Variants in CD300LB observed in about 807,000 individuals in gnomAD.
CD300LB encodes CD300 molecule like family member b.
A neutral mutation model predicts 20.8 loss-of-function variants in CD300LB; 18 were observed. The ratio of observed to expected loss-of-function variants is 0.87; its 90% CI spans 0.60 to 1.28. CD300LB has a LOEUF of 1.28. CD300LB is among the 50% of genes most tolerant of loss of function. CD300LB has a pLI of 0.00. For missense variants in CD300LB, 222 were observed against 251.8 expected, an observed-to-expected ratio of 0.88 and a Z score of 0.80; for synonymous variants, 91 against 91.3, an observed-to-expected ratio of 1.00 and a Z score of 0.02.
Position 74,521,333 on chromosome 17 carries a change from G to C in CD300LB, c.*1405C>G. 2.0e-6 allele frequency: 2 copies of C among 984,960 alleles called. No homozygotes were observed. The highest frequency in any genetic ancestry group is 3.5e-5 in the African/African-American group (2 of 57,354). The allele number at this position is 984,960 out of a possible 1,614,324, so 61.0% of individuals were successfully genotyped here. ...CCCGCGGAGCGGTGCCGTCCTCCCTGGGTCTGGTCGGATCTTCGGGAAGCT... is the reference window on the plus strand; with the variant it reads ...CCCGCGGAGCGGTGCCGTCCTCCCTCGGTCTGGTCGGATCTTCGGGAAGCT... On this transcript the variant is annotated 3_prime_UTR_variant, in exon 4 of 4. Transcript: ENST00000392621.
rs371016835 is a variant in CD300LB, at chr17:74,525,621, G to GTC, written c.370+125_370+126dup. The GTC allele has an allele frequency of 1.7e-3, 1,232 of 722,716 alleles. 2 individuals are homozygous for GTC. Among genetic ancestry groups the GTC allele is most frequent in the African/African-American group, 0.011 (586 of 55,574 alleles). The allele number at this position is 722,716 out of a possible 1,614,324, so 44.8% of individuals were successfully genotyped here. On this transcript the variant is annotated intron_variant, in intron 2 of 3. Coordinates refer to ENST00000392621, the MANE Select transcript of CD300LB (RefSeq NM_174892.4). Reference sequence around the variant, plus strand: ...AGTTTGTCTGCCTGTCTGTCTGTCTGTCTCTCTCTCTCTCTCTCTTAGGCT... The same window carrying GTC: ...AGTTTGTCTGCCTGTCTGTCTGTCTGTCTCTCTCTCTCTCTCTCTCTTAGGCT...
At chr17:74,523,154 A>C (rs963179546) in intron 3 of CD300LB, 2 of 541,360 alleles carry the variant, frequency 3.7e-6, no homozygotes, top group Admixed American at 6.3e-5. Context: ...AGTACATCTC[A>C]GCTCAACAGA....
intron 1 of CD300LB, among the ~76,000 whole-genome samples, chr17:74,528,995 TG>T (rs1908116448): frequency 2.0e-5 from 3 of 152,062 alleles, no homozygotes; most frequent in Admixed American, 2.0e-4. Flanking sequence ...CCAGGAGTGG[TG>T]GTGCATGCCT....
rs1281715451 is a variant in CD300LB, at chr17:74,523,279, A to ATGTCCCTT, written c.443+299_443+300insAAGGGACA. 13 of 529,956 alleles carry ATGTCCCTT rather than the reference A, an allele frequency of 2.5e-5. No homozygotes were observed. The East Asian group carries it at 4.0e-4, about 16-fold the overall frequency. The allele number at this position is 529,956 out of a possible 1,614,324, so 32.8% of individuals were successfully genotyped here. A position where few individuals can be genotyped will look rare whatever the true frequency, so the allele number is the denominator to read the frequency against. On this transcript the variant is annotated intron_variant, in intron 3 of 3. Coordinates refer to ENST00000392621, the MANE Select transcript of CD300LB (RefSeq NM_174892.4). ...TGTGTCCCTTGATGTCTTGCACCAC[A>ATGTCCCTT]GAGGGTGGTATCTTATCTCCCCCTG...
rs546700329 is a variant in CD300LB at position 74,526,193 on chromosome 17, A to G, written c.41-116T>C. ...ACAGCCTGGAAAACAAAATCCCAAG[A>G]TACAGCTCCTGTTGCCTGAGCCAGT... On this transcript the variant is annotated intron_variant, in intron 1 of 3. Coordinates refer to ENST00000392621, the MANE Select transcript of CD300LB (RefSeq NM_174892.4). The G allele has an allele frequency of 2.7e-4, 389 of 1,420,132 alleles. 1 individual carries two copies. The African/African-American group carries it at 4.9e-3, about 18-fold the overall frequency. The allele number at this position is 1,420,132 out of a possible 1,614,324, so 88.0% of individuals were successfully genotyped here.
At chr17:74,527,503 G>C (rs114247832) in intron 1 of CD300LB, among the ~76,000 whole-genome samples, 2,366 of 152,326 alleles carry the variant, frequency 0.016, 50 homozygotes, top group African/African-American at 0.053. Context: ...ATTCGTGGTT[G>C]GTAGAATAAT....
chr17:74,529,238 T>G (rs925755221), intron 1 of CD300LB, among the ~76,000 whole-genome samples: 4 of 152,148 alleles, frequency 2.6e-5, no homozygotes, highest in Admixed American at 1.3e-4. Context: ...GGTCAGAACT[T>G]CATCTGTGCC....
intron 2 of CD300LB, among the ~76,000 whole-genome samples, chr17:74,524,057 T>C (rs1907961224): frequency 6.6e-6 from 1 of 152,044 alleles, no homozygotes; most frequent in South Asian, 2.1e-4. Flanking sequence ...TGTCCAGAAA[T>C]TGGGGTAGTC....
chr17:74,530,677 G>C (rs112061558), intron 1 of CD300LB, among the ~76,000 whole-genome samples: 1 of 152,102 alleles, frequency 6.6e-6, no homozygotes, highest in Non-Finnish European at 1.5e-5. Flanking sequence ...ACAGCTTCGT[G>C]AGTCTTTCTC....
At position 74,525,958 on chromosome 17, in the gene CD300LB, G is replaced by A. The variant is rs752893026; in HGVS notation, c.160C>T (p.Arg54Cys). Reference protein sequence around the residue: ...TYIKWWCRGVRWDTCKILIET... With the variant: ...TYIKWWCRGVCWDTCKILIET... Reference sequence around the variant, plus strand: ...ATGAGGATCTTGCATGTATCCCAGCGCACCCCTCGGCACCACCACTTAATG... The same window carrying A: ...ATGAGGATCTTGCATGTATCCCAGCACACCCCTCGGCACCACCACTTAATG... Residue 54 changes from arginine to cysteine, a missense_variant, in exon 2 of 4, where the codon CGC becomes TGC. Transcript: ENST00000392621. The A allele has an allele frequency of 3.8e-5, 62 of 1,613,870 alleles. No individual in the cohort carries two copies. Among genetic ancestry groups the A allele is most frequent in the Admixed American group, 3.2e-4 (19 of 59,956 alleles).
Position 74,521,435 on chromosome 17 carries a change from CAG to C in CD300LB, c.*1301_*1302del, listed in dbSNP as rs1186819583. 1 of 985,376 alleles carries C rather than the reference CAG, an allele frequency of 1.0e-6. No homozygotes were observed. Among genetic ancestry groups the C allele is most frequent in the Non-Finnish European group, 1.2e-6 (1 of 829,994 alleles). 61.0% of individuals were successfully genotyped at this position (985,376 alleles called of 1,614,324 possible). On this transcript the variant is annotated 3_prime_UTR_variant, in exon 4 of 4. Transcript: ENST00000392621. ...GGTCTTGGTCCCTCACAGAATGACT[CAG>C]GGGATCTTAGCCGGGCTCGAACTCT...
chr17:74,523,576 C>G lies in CD300LB; in HGVS notation c.443+3G>C. On this transcript the variant is annotated splice_donor_region_variant and intron_variant, in intron 3 of 3. Transcript: ENST00000392621. ...GGGCAGGAGAAAGAACCACATGACT[C>G]ACCTCTTGTGGGAGCCGATGAACAC... is the stretch of plus-strand genomic sequence containing the variant. 1 of 1,605,508 alleles carries G rather than the reference C, an allele frequency of 6.2e-7. No homozygotes were observed. Among genetic ancestry groups the G allele is most frequent in the Non-Finnish European group, 8.5e-7 (1 of 1,172,122 alleles).
intron 1 of CD300LB, among the ~76,000 whole-genome samples, chr17:74,527,913 A>T (rs2143083132): frequency 6.6e-6 from 1 of 151,906 alleles, no homozygotes; most frequent in Non-Finnish European, 1.5e-5. Context: ...ATTTACAGCC[A>T]CTCCCCGTTG....
At chr17:74,527,741 C>T (rs1440774927) in intron 1 of CD300LB, among the ~76,000 whole-genome samples, 1 of 152,186 alleles carries the variant, frequency 6.6e-6, no homozygotes, top group Non-Finnish European at 1.5e-5. Context: ...CCAAGGAAAG[C>T]AGATGGCTTC....
rs1329751840 is a variant in CD300LB, at chr17:74,523,116, A to G, written c.444-216T>C. 4 of 565,788 alleles carry G rather than the reference A, an allele frequency of 7.1e-6. No homozygotes were observed. The East Asian group carries it at 8.8e-5, about 12-fold the overall frequency. The allele number at this position is 565,788 out of a possible 1,614,324, so 35.0% of individuals were successfully genotyped here. A position where few individuals can be genotyped will look rare whatever the true frequency, so the allele number is the denominator to read the frequency against. ...CACGGGGCCCATCTTCCTTTCTAAC[A>G]TCACCTTCTGGGACCCTCTTTGCCC... On this transcript the variant is annotated intron_variant, in intron 3 of 3. Coordinates refer to ENST00000392621, the MANE Select transcript of CD300LB (RefSeq NM_174892.4).
chr17:74,521,935 C>T lies in CD300LB; in HGVS notation c.*803G>A, dbSNP rs1247451830. 6.4e-5 allele frequency: 63 copies of T among 985,328 alleles called. No homozygotes were observed. The highest frequency in any genetic ancestry group is 6.5e-5 in the Non-Finnish European group (54 of 829,934). The allele number at this position is 985,328 out of a possible 1,614,324, so 61.0% of individuals were successfully genotyped here. A position where few individuals can be genotyped will look rare whatever the true frequency, so the allele number is the denominator to read the frequency against. ...GGGTGCCATTTCCTGCGATGGTTTT[C>T]GTTACTGCCCTCCCCACCTGGAGGT... On this transcript the variant is annotated 3_prime_UTR_variant, in exon 4 of 4. Transcript: ENST00000392621.
chr17:74,523,273 C>T lies in CD300LB; in HGVS notation c.443+306G>A, dbSNP rs139724945. 958 of 525,308 alleles carry T rather than the reference C, an allele frequency of 1.8e-3. 13 individuals are homozygous for T. The East Asian group carries it at 0.027, about 15-fold the overall frequency. The allele number at this position is 525,308 out of a possible 1,614,324, so 32.5% of individuals were successfully genotyped here. A position where few individuals can be genotyped will look rare whatever the true frequency, so the allele number is the denominator to read the frequency against. Reference sequence around the variant, plus strand: ...CTGTTCTGTGTCCCTTGATGTCTTGCACCACAGAGGGTGGTATCTTATCTC... The same window carrying T: ...CTGTTCTGTGTCCCTTGATGTCTTGTACCACAGAGGGTGGTATCTTATCTC... On this transcript the variant is annotated intron_variant, in intron 3 of 3. Coordinates refer to ENST00000392621, the MANE Select transcript of CD300LB (RefSeq NM_174892.4).
intron 3 of CD300LB, 169 bp from the exon 4 acceptor site, chr17:74,523,069 A>C: frequency 1.6e-6 from 1 of 626,990 alleles, no homozygotes; most frequent in Non-Finnish European, 2.8e-6. Flanking sequence ...GGGTCCTCCA[A>C]CAGTCACCTT....
At chr17:74,525,617 G>A (rs1028104339) in intron 2 of CD300LB, 131 bp downstream of exon 2, 4 of 788,496 alleles carry the variant, frequency 5.1e-6, no homozygotes, top group Non-Finnish European at 8.2e-6. Context: ...CTGTCTGTCT[G>A]TCTGTCTCTC....
Sources: allele counts gnomAD v4.1 joint callset (sites outside exome capture counted in the v4.1 genomes callset), GRCh38; gene constraint gnomAD v4.1.1; transcripts MANE v1.5; gene names NCBI Gene and HGNC (gene_info 2026-07-23, HGNC 2026-07-21).